The following ABI3BP variants were observed in gnomAD, a reference collection of about 807,000 sequenced individuals.
The protein encoded by ABI3BP is ABI family member 3 binding protein, also known as target of Nesh-SH3.
ABI3BP carries 216 observed loss-of-function variants against 268.6 expected under a neutral mutation model. The ratio of observed to expected loss-of-function variants is 0.80; its 90% CI spans 0.72 to 0.90. The LOEUF is 0.90. Ranked by LOEUF, ABI3BP falls within the 40% of genes least tolerant of loss-of-function variation. The pLI is 0.00. For missense variants in ABI3BP, 2,090 were observed against 2,182.4 expected, an observed-to-expected ratio of 0.96 and a Z score of 0.84; for synonymous variants, 730 against 730.0, an observed-to-expected ratio of 1.00 and a Z score of 0.00.
In ABI3BP at chr3:100,789,473, G is replaced by T. The variant is rs748264937; in HGVS notation, c.4068C>A (p.Asp1356Glu). The T allele has an allele frequency of 5.0e-6, 8 of 1,601,310 alleles. No individual in the cohort carries two copies. Among genetic ancestry groups the T allele is most frequent in the Non-Finnish European group, 6.0e-6 (7 of 1,173,624 alleles). Residue 1356 changes from aspartate to glutamate, a missense_variant, in exon 56 of 68, where the codon GAC (aspartate) becomes GAA (glutamate). Coordinates refer to ENST00000471714, the MANE Select transcript of ABI3BP (RefSeq NM_001375547.2). ...FYTTVRPRTS[D>E]KPHIRPVLNR... ...ACTTACCAGGTCTGATGTGTGGCTT[G>T]TCAGATGTTCTGGGCCTCACAGTAG...
chr3:100,843,032 GT>G (rs1474146692), intron 20 of ABI3BP, among the ~76,000 whole-genome samples: 1 of 152,106 alleles, frequency 6.6e-6, no homozygotes, highest in African/African-American at 2.4e-5. Flanking sequence ...AGTGTGGCAG[GT>G]TTTGAGAATA....
chr3:100,820,148 C>A, intron 40 of ABI3BP, 72 bp downstream of exon 40: 2 of 1,295,872 alleles, frequency 1.5e-6, no homozygotes, highest in South Asian at 2.6e-5. Context: ...CCATCACTCC[C>A]ATCATTGGCA....
chr3:100,961,580 A>T (rs2079115290), intron 1 of ABI3BP, among the ~76,000 whole-genome samples: 1 of 152,196 alleles, frequency 6.6e-6, no homozygotes, highest in Non-Finnish European at 1.5e-5. Flanking sequence ...TTATGAACCC[A>T]GATCCAGATA....
chr3:100,936,235 A>G (rs2066064757), intron 1 of ABI3BP, among the ~76,000 whole-genome samples: 1 of 152,120 alleles, frequency 6.6e-6, no homozygotes, highest in East Asian at 1.9e-4. Context: ...TGAGATAATC[A>G]TGTGGTTTTT....
At chr3:100,887,282 A>C (rs934975437) in intron 4 of ABI3BP, among the ~76,000 whole-genome samples, 9 of 152,086 alleles carry the variant, frequency 5.9e-5, no homozygotes, top group Non-Finnish European at 1.3e-4. Flanking sequence ...GGAGAACTAC[A>C]TGTATCAATG....
intron 2 of ABI3BP, among the ~76,000 whole-genome samples, chr3:100,921,488 C>A (rs559718668): frequency 6.6e-6 from 1 of 151,546 alleles, no homozygotes; most frequent in Admixed American, 6.6e-5. Context: ...AAATGTTAAC[C>A]AGGAGTGAGA....
At chr3:100,812,429 G>A in intron 46 of ABI3BP, 38 bp downstream of exon 46, 1 of 1,263,352 alleles carries the variant, frequency 7.9e-7, no homozygotes, top group Non-Finnish European at 1.0e-6. Flanking sequence ...AGATGGAAAA[G>A]CACATATGCT....
intron 2 of ABI3BP, among the ~76,000 whole-genome samples, chr3:100,915,217 C>A (rs2058191959): frequency 6.6e-6 from 1 of 152,118 alleles, no homozygotes; most frequent in African/African-American, 2.4e-5. Context: ...TTACTCTTAT[C>A]CCCCAACCCA....
intron 2 of ABI3BP, among the ~76,000 whole-genome samples, chr3:100,919,128 T>C (rs1405321878): frequency 6.6e-6 from 1 of 152,202 alleles, no homozygotes; most frequent in Non-Finnish European, 1.5e-5. Flanking sequence ...TGGCTGGTAC[T>C]ACATCATTTC....
chr3:100,986,447 T>C (rs2091780607), intron 1 of ABI3BP, among the ~76,000 whole-genome samples: 1 of 152,186 alleles, frequency 6.6e-6, no homozygotes, highest in African/African-American at 2.4e-5. Flanking sequence ...TGGACATTTG[T>C]TATAAGAAAA....
At chr3:100,839,997 C>T in intron 23 of ABI3BP, 75 bp downstream of exon 23, 1 of 1,283,380 alleles carries the variant, frequency 7.8e-7, no homozygotes, top group Non-Finnish European at 1.1e-6. Flanking sequence ...CCCAGTTGCT[C>T]AAGTAGCTGA....
intron 1 of ABI3BP, among the ~76,000 whole-genome samples, chr3:100,992,819 G>A (rs1212300915): frequency 2.0e-5 from 3 of 152,168 alleles, no homozygotes; most frequent in Admixed American, 6.5e-5. Context: ...GCACATGACC[G>A]TACTTTGGTC....
intron 1 of ABI3BP, among the ~76,000 whole-genome samples, chr3:100,940,861 A>G (rs2068840824): frequency 8.4e-6 from 1 of 118,806 alleles, no homozygotes; most frequent in Non-Finnish European, 1.7e-5. Flanking sequence ...TTAAATAAGA[A>G]TATAGAGGAA....
intron 1 of ABI3BP, among the ~76,000 whole-genome samples, chr3:100,987,604 A>G (rs547004933): frequency 1.3e-5 from 2 of 152,310 alleles, no homozygotes; most frequent in East Asian, 3.9e-4. Context: ...CATTCAGTTT[A>G]CCTAGTAGAT....
intron 34 of ABI3BP, among the ~76,000 whole-genome samples, chr3:100,826,597 A>C (rs955970019): frequency 6.6e-6 from 1 of 152,228 alleles, no homozygotes; most frequent in Non-Finnish European, 1.5e-5. Context: ...AACATGTACT[A>C]TATGTTTATC....
At chr3:100,894,956 A>AAAAAAAAAAAAAAAG (rs1554076985) in intron 4 of ABI3BP, among the ~76,000 whole-genome samples, 1 of 131,438 alleles carries the variant, frequency 7.6e-6, no homozygotes, top group African/African-American at 2.6e-5. Flanking sequence ...AAAAAAAAAA[A>AAAAAAAAAAAAAAAG]AAAAAAAAAA....
Position 100,861,026 on chromosome 3 carries a change from C to A in ABI3BP, c.1285+1285G>T, listed in dbSNP as rs191522455. ...CTCAGTATGAAATTCAACTCAGAACCCAGATTTTAGACCCAGGCGACTTGG... is the reference window on the plus strand; with the variant it reads ...CTCAGTATGAAATTCAACTCAGAACACAGATTTTAGACCCAGGCGACTTGG... On this transcript the variant is annotated intron_variant, in intron 14 of 67. Coordinates refer to ENST00000471714, the MANE Select transcript of ABI3BP (RefSeq NM_001375547.2). Among the ~76,000 whole-genome samples the A allele has an allele frequency of 3.1e-4, 47 of 152,222 alleles. 1 individual carries two copies. The East Asian group carries it at 8.9e-3, about 29-fold the overall frequency.
At chr3:100,939,756 A>G (rs1052025399) in intron 1 of ABI3BP, among the ~76,000 whole-genome samples, 1 of 152,046 alleles carries the variant, frequency 6.6e-6, no homozygotes, top group Non-Finnish European at 1.5e-5. Flanking sequence ...CAGGGTTTTG[A>G]GAGCAACCGG....
intron 14 of ABI3BP, among the ~76,000 whole-genome samples, chr3:100,856,256 T>A (rs1250910779): frequency 6.6e-6 from 1 of 152,140 alleles, no homozygotes. Context: ...AATCTACTAC[T>A]CCTTGGGCAT....
Sources: allele counts gnomAD v4.1 joint callset (sites outside exome capture counted in the v4.1 genomes callset), GRCh38; gene constraint gnomAD v4.1.1; transcripts MANE v1.5; gene names NCBI Gene and HGNC (gene_info 2026-07-23, HGNC 2026-07-21).